The following ADCY9 variants were observed in gnomAD, a reference collection of about 807,000 sequenced individuals.
ADCY9 encodes adenylate cyclase 9.
A neutral mutation model predicts 101.5 loss-of-function variants in ADCY9; 50 were observed. The observed-to-expected ratio is 0.49, with a 90% CI of 0.39 to 0.62. The LOEUF is 0.62. ADCY9 is among the 20% of genes least tolerant of loss of function. The pLI is 0.00. For synonymous variants in ADCY9, 905 were observed against 769.3 expected, an observed-to-expected ratio of 1.18 and a Z score of -2.92; for missense variants, 1,662 against 1,800.4, an observed-to-expected ratio of 0.92 and a Z score of 1.39.
chr16:3,974,839 T>G, intron 9 of ADCY9, 129 bp from the exon 10 acceptor site: 3 of 669,304 alleles, frequency 4.5e-6, no homozygotes, highest in South Asian at 3.5e-5. Context: ...TAAAGCCACC[T>G]GCTCCCACCT....
intron 10 of ADCY9, among the ~76,000 whole-genome samples, chr16:3,972,894 A>C (rs1236060911): frequency 6.6e-6 from 1 of 152,058 alleles, no homozygotes; most frequent in African/African-American, 2.4e-5. Flanking sequence ...TCCTTTTATG[A>C]TCAGGTACTC....
intron 2 of ADCY9, among the ~76,000 whole-genome samples, chr16:4,069,970 T>C (rs1186675334): frequency 6.6e-6 from 1 of 152,132 alleles, no homozygotes; most frequent in African/African-American, 2.4e-5. Flanking sequence ...TGGTGGCACA[T>C]GCCTGTAATC....
At chr16:4,095,425 C>T (rs2056997652) in intron 2 of ADCY9, among the ~76,000 whole-genome samples, 2 of 152,138 alleles carry the variant, frequency 1.3e-5, no homozygotes, top group Admixed American at 6.5e-5. Flanking sequence ...AGAAGCTCAC[C>T]GTCAAGAGCA....
chr16:4,038,969 A>C (rs1315370053), intron 2 of ADCY9, among the ~76,000 whole-genome samples: 2 of 152,126 alleles, frequency 1.3e-5, no homozygotes, highest in South Asian at 2.1e-4. Context: ...TGAAACTCGT[A>C]ATGCTTGCCC....
At chr16:4,108,212 C>G (rs893832184) in intron 2 of ADCY9, among the ~76,000 whole-genome samples, 2 of 152,058 alleles carry the variant, frequency 1.3e-5, no homozygotes. Flanking sequence ...GTATCTATGA[C>G]AGGAAAAGCC....
At chr16:3,998,799 A>AAAAG in intron 3 of ADCY9, among the ~76,000 whole-genome samples, 1 of 138,056 alleles carries the variant, frequency 7.2e-6, no homozygotes, top group South Asian at 2.6e-4. Context: ...AAAAGAAAAG[A>AAAAG]AAAAAAGAGA....
intron 5 of ADCY9, among the ~76,000 whole-genome samples, chr16:3,991,353 TGAG>T (rs2056242257): frequency 6.6e-6 from 1 of 152,096 alleles, no homozygotes; most frequent in Non-Finnish European, 1.5e-5. Flanking sequence ...GAGGACACCC[TGAG>T]GAGGACACGG....
At chr16:4,006,185 G>A (rs2056366114) in intron 3 of ADCY9, among the ~76,000 whole-genome samples, 1 of 152,174 alleles carries the variant, frequency 6.6e-6, no homozygotes, top group Admixed American at 6.5e-5. Context: ...GGGGAGTAGG[G>A]TACGGGTGGG....
At chr16:3,973,200 T>C (rs1215683812) in intron 10 of ADCY9, among the ~76,000 whole-genome samples, 3 of 152,158 alleles carry the variant, frequency 2.0e-5, no homozygotes, top group Non-Finnish European at 4.4e-5. Flanking sequence ...TGCTAATGAA[T>C]CTTTTTTTTA....
intron 6 of ADCY9, among the ~76,000 whole-genome samples, chr16:3,987,103 A>G (rs2141695553): frequency 6.6e-6 from 1 of 152,210 alleles, no homozygotes; most frequent in South Asian, 2.1e-4. Context: ...ATGTTCCCTC[A>G]TCCCACATTC....
At position 3,963,338 on chromosome 16, in the gene ADCY9, A is replaced by G. The variant is rs1386482636; in HGVS notation, c.*2437T>C. The G allele has an allele frequency of 2.5e-6, 1 of 398,796 alleles. No homozygotes were observed. The highest frequency in any genetic ancestry group is 4.4e-6 in the Non-Finnish European group (1 of 226,014). 24.7% of individuals were successfully genotyped at this position (398,796 alleles called of 1,614,324 possible). ...CTTAGAAACTCGTGTCTCCAGCACG[A>G]TGTGCTCGCTGCCAACAGACAAGAG... is the stretch of plus-strand genomic sequence containing the variant. On this transcript the variant is annotated 3_prime_UTR_variant, in exon 11 of 11. Transcript: ENST00000294016.
chr16:3,965,980 T>C lies in ADCY9; in HGVS notation c.3857A>G (p.Gln1286Arg). The C allele has an allele frequency of 1.2e-6, 2 of 1,614,214 alleles. No homozygotes were observed. Among genetic ancestry groups the C allele is most frequent in the African/African-American group, 2.7e-5 (2 of 75,054 alleles). The change falls in exon 11 of 11, where the codon CAG becomes CGG. Residue 1286 changes from glutamine to arginine, a missense_variant. By Grantham distance (43) the Gln-to-Arg change is conservative. Around this residue, in one of 5 missense-constraint regions of ADCY9, gnomAD observed 168 missense variants for 155.3 expected, o/e 1.08. Coordinates refer to ENST00000294016, the MANE Select transcript of ADCY9 (RefSeq NM_001116.4). The stretch of plus-strand genomic sequence containing the variant: ...ACCCAGAGATGTCTTGTCCACATAC[T>C]GGACAGAAGGCACCAGGTTGGCAAT... ...DEIANLVPSV[Q>R]YVDKTSLGSD...
intron 2 of ADCY9, among the ~76,000 whole-genome samples, chr16:4,035,465 G>A (rs1434506421): frequency 6.6e-6 from 1 of 152,092 alleles, no homozygotes; most frequent in African/African-American, 2.4e-5. Context: ...GAGTGATTAT[G>A]GGTGCCCACT....
chr16:4,023,270 G>A (rs965538581), intron 2 of ADCY9, among the ~76,000 whole-genome samples: 4 of 152,224 alleles, frequency 2.6e-5, no homozygotes, highest in African/African-American at 9.6e-5. Flanking sequence ...GGAACCAGTG[G>A]CAGGGAGAAT....
chr16:4,077,500 C>T (rs186407915), intron 2 of ADCY9, among the ~76,000 whole-genome samples: 109 of 152,186 alleles, frequency 7.2e-4, no homozygotes, highest in Admixed American at 3.7e-3. Flanking sequence ...TTTCTTACAG[C>T]GGGAAAACAC....
At chr16:4,046,730 A>G (rs1339247881) in intron 2 of ADCY9, among the ~76,000 whole-genome samples, 1 of 152,228 alleles carries the variant, frequency 6.6e-6, no homozygotes, top group Non-Finnish European at 1.5e-5. Flanking sequence ...CAGACCTCAC[A>G]TATCGAGGTG....
At position 4,009,037 on chromosome 16, in the gene ADCY9, C is replaced by T. The variant is rs186254904; in HGVS notation, c.1694-1479G>A. 2.8e-3 allele frequency among the ~76,000 whole-genome samples: 422 copies of T among 152,226 alleles called. 5 individuals carry two copies. The highest frequency in any genetic ancestry group is 4.7e-3 in the Non-Finnish European group (321 of 68,026). On this transcript the variant is annotated intron_variant, in intron 2 of 10. Coordinates refer to ENST00000294016, the MANE Select transcript of ADCY9 (RefSeq NM_001116.4). Reference sequence around the variant, plus strand: ...CTAGGGACTACTTCATCAATAATCCCGAATCATTTTATAAGTATGGCCCCA... The same window carrying T: ...CTAGGGACTACTTCATCAATAATCCTGAATCATTTTATAAGTATGGCCCCA...
rs562252892 is a variant in ADCY9 at position 4,018,542 on chromosome 16, C to T, written c.1694-10984G>A. Reference sequence around the variant, plus strand: ...CTGAACATGCGTGACTAACCTTCCGCGGGAGCAGTCATGCCGCTGCCTTCA... The same window carrying T: ...CTGAACATGCGTGACTAACCTTCCGTGGGAGCAGTCATGCCGCTGCCTTCA... On this transcript the variant is annotated intron_variant, in intron 2 of 10. Transcript: ENST00000294016. 3.3e-5 allele frequency among the ~76,000 whole-genome samples: 5 copies of T among 152,244 alleles called. No individual in the cohort carries two copies. The East Asian group carries it at 9.7e-4, about 29-fold the overall frequency.
At chr16:4,087,863 CTCTT>C (rs2056949614) in intron 2 of ADCY9, among the ~76,000 whole-genome samples, 1 of 149,488 alleles carries the variant, frequency 6.7e-6, no homozygotes, top group Admixed American at 6.6e-5. Context: ...TTCTTTGTTT[CTCTT>C]TGTTTCTGTC....
Sources: gnomAD v4.1 joint callset for allele counts (sites outside exome capture counted in the v4.1 genomes callset) on GRCh38, gnomAD v4.1.1 for gene constraint, gnomAD v4.1.1 regional missense constraint, MANE v1.5 for transcripts, NCBI Gene and HGNC (gene_info 2026-07-23, HGNC 2026-07-21) for gene names.